RNF207: variants seen among roughly 807,000 people sequenced by gnomAD.
RNF207 encodes OTTHUMG00000001089.
Under a neutral mutation model 79.0 loss-of-function variants are expected in RNF207, and 72 were observed. The observed-to-expected ratio is 0.91, with a 90% confidence interval of 0.75 to 1.11. The LOEUF is 1.11. RNF207 is among the 50% of genes least tolerant of loss of function. The probability of loss-of-function intolerance (pLI) is 0.00; values close to 1 mark genes in which losing one functional copy is unlikely to be tolerated. For missense variants in RNF207, 936 were observed against 855.8 expected, an observed-to-expected ratio of 1.09 and a Z score of -1.17; for synonymous variants, 348 against 366.2, an observed-to-expected ratio of 0.95 and a Z score of 0.57.
rs149340804 is a variant in RNF207 at position 6,217,745 on chromosome 1, C to A, written c.1653-544C>A. ...TGGCCAACCCTCCTACCCCTCCAGCCGCCATGAAGCCAGGAGTCCTTTAGA... is the reference window on the plus strand; with the variant it reads ...TGGCCAACCCTCCTACCCCTCCAGCAGCCATGAAGCCAGGAGTCCTTTAGA... On this transcript the variant is annotated intron_variant, in intron 16 of 17. Coordinates refer to ENST00000377939, the MANE Select transcript of RNF207 (RefSeq NM_207396.3). This position sits in a 1 kb window ranked among gnomAD's most constrained non-coding sequence, Gnocchi z 4.2. Among the ~76,000 whole-genome samples the A allele has an allele frequency of 1.3e-5, 2 of 152,182 alleles. No homozygotes were observed. The highest frequency in any genetic ancestry group is 2.9e-5 in the Non-Finnish European group (2 of 68,032).
intron 7 of RNF207, 85 bp downstream of exon 7, chr1:6,209,624 G>A: frequency 6.6e-6 from 9 of 1,371,854 alleles, no homozygotes; most frequent in African/African-American, 1.5e-5. Context: ...GATTTCCAGT[G>A]TAGTGGGGCA....
chr1:6,212,928 C>A, intron 15 of RNF207, 138 bp from the exon 16 acceptor site: 5 of 768,890 alleles, frequency 6.5e-6, no homozygotes, highest in East Asian at 4.9e-5. Flanking sequence ...AGTAGAATGC[C>A]CCCACCAAGT....
Position 6,207,985 on chromosome 1 carries a change from C to A in RNF207, c.324+474C>A. 3.0e-6 allele frequency: 1 copy of A among 329,766 alleles called. No individual in the cohort carries two copies. Among genetic ancestry groups the A allele is most frequent in the Non-Finnish European group, 6.1e-6 (1 of 163,996 alleles). The allele number at this position is 329,766 out of a possible 1,614,324, so 20.4% of individuals were successfully genotyped here. ...TGTATCGGGAATCCCAGGAGGACGG[C>A]CCGACTGGGGCAAAAGCTCCAGCGT... is the stretch of plus-strand genomic sequence containing the variant. On this transcript the variant is annotated intron_variant, in intron 3 of 17. Coordinates refer to ENST00000377939, the MANE Select transcript of RNF207 (RefSeq NM_207396.3). The surrounding 1 kb of genome is among the most constrained non-coding windows in gnomAD (Gnocchi z 4.5).
Position 6,209,212 on chromosome 1 carries a change from G to A in RNF207, c.551+16G>A. 1.3e-6 allele frequency: 2 copies of A among 1,551,092 alleles called. No individual in the cohort carries two copies. The highest frequency in any genetic ancestry group is 8.7e-7 in the Non-Finnish European group (1 of 1,147,220). ...ACATGCAGAAGTGCGTACAGGGGAC[G>A]CGAGGGGAGGGGGCTGGGGGCCGCT... On this transcript the variant is annotated intron_variant, in intron 5 of 17. Coordinates refer to ENST00000377939, the MANE Select transcript of RNF207 (RefSeq NM_207396.3).
In RNF207 at chr1:6,208,944, G is replaced by A. The variant is rs1365305717; in HGVS notation, c.388G>A (p.Glu130Lys). Residue 130 changes from glutamate to lysine, a missense_variant, in exon 4 of 18, where the codon GAG (glutamate) becomes AAG (lysine). Physicochemically the swap from Glu to Lys is moderately conservative, Grantham distance 56 (BLOSUM62 1). Transcript: ENST00000377939. The stretch of plus-strand genomic sequence containing the variant: ...GCCCCTATGCGCGCGCTGCCGCGAC[G>A]AGACGCACCGAGCACGCATGTTCGC... ...GQPLCARCRD[E>K]THRARMFARH... 4 of 1,535,240 alleles carry A rather than the reference G, an allele frequency of 2.6e-6. No homozygotes were observed. Among genetic ancestry groups the A allele is most frequent in the East Asian group, 4.9e-5 (2 of 40,716 alleles).
chr1:6,216,194 G>T lies in RNF207; in HGVS notation c.1653-2095G>T, dbSNP rs532398889. ...CCAGTTGCTGAGTGGCAGGGATCTT[G>T]GCAGTCACCTGGAAGACTGGAAGGG... On this transcript the variant is annotated intron_variant, in intron 16 of 17. Transcript: ENST00000377939. Among the ~76,000 whole-genome samples, 6 of 152,292 alleles carry T rather than the reference G, an allele frequency of 3.9e-5. No homozygotes were observed. The South Asian group carries it at 1.2e-3, about 32-fold the overall frequency.
chr1:6,214,393 G>A (rs1245624371), intron 16 of RNF207, among the ~76,000 whole-genome samples: 2 of 151,598 alleles, frequency 1.3e-5, no homozygotes, highest in Non-Finnish European at 2.9e-5. Context: ...CTTCAGTTTT[G>A]GCATATTTCT....
intron 2 of RNF207, among the ~76,000 whole-genome samples, 153 bp downstream of exon 2, chr1:6,206,879 C>T (rs916253638): frequency 1.3e-5 from 2 of 152,218 alleles, no homozygotes; most frequent in Non-Finnish European, 2.9e-5. Flanking sequence ...TTAGCTCTCC[C>T]CGCCAGAAGT....
chr1:6,206,676 C>T lies in RNF207; in HGVS notation c.141C>T (p.Gly47=). 6.2e-7 allele frequency: 1 copy of T among 1,605,850 alleles called. No homozygotes were observed. The highest frequency in any genetic ancestry group is 8.5e-7 in the Non-Finnish European group (1 of 1,179,786). Residue 47 remains glycine (G), a synonymous_variant, in exon 2 of 18, where the codon GGC becomes GGT. Coordinates refer to ENST00000377939, the MANE Select transcript of RNF207 (RefSeq NM_207396.3). ...LLDCFHDFCA[G]CLRGRATDGR... is the part of the protein sequence containing the mutation. The stretch of plus-strand genomic sequence containing the variant: ...ACTGTTTCCACGACTTCTGTGCCGG[C>T]TGCCTGCGTGGCCGCGCGACCGACG...
chr1:6,209,228 G>A (rs1668048578), intron 5 of RNF207, 32 bp downstream of exon 5: 3 of 1,549,782 alleles, frequency 1.9e-6, no homozygotes, highest in Admixed American at 3.9e-5. Flanking sequence ...GGAGGGGGCT[G>A]GGGGCCGCTG....
rs560869444 is a variant in RNF207 at position 6,207,417 on chromosome 1, C to T, written c.230C>T (p.Pro77Leu). 3.5e-5 allele frequency: 55 copies of T among 1,551,736 alleles called. No homozygotes were observed. The South Asian group carries it at 6.0e-4, about 17-fold the overall frequency. Residue 77 changes from proline to leucine, a missense_variant, in exon 3 of 18, where the codon CCG becomes CTG. By Grantham distance (98) the Pro-to-Leu change is moderately conservative. Transcript: ENST00000377939. This position sits in a 1 kb window ranked among gnomAD's most constrained non-coding sequence, Gnocchi z 4.5. ...TVLKGPSGLP[P>L]VDRLLQFLVD... is the part of the protein sequence containing the mutation. The stretch of plus-strand genomic sequence containing the variant: ...CTGAAGGGTCCCAGCGGGCTCCCGC[C>T]GGTGGACCGGCTGCTGCAGTTCCTG...
At position 6,209,314 on chromosome 1, in the gene RNF207, G is replaced by T; in HGVS notation, c.598G>T (p.Gly200Cys). Residue 200 changes from glycine (G) to cysteine (C), a missense_variant, in exon 6 of 18, where the codon GGC (glycine) becomes TGC (cysteine). Gly to Cys is a radical substitution (Grantham distance 159, BLOSUM62 -3). Coordinates refer to ENST00000377939, the MANE Select transcript of RNF207 (RefSeq NM_207396.3). ...GGACCTGGAATCGGCTTACGTGCAG[G>T]GCTGCGAGCGGCTGGAGCAGGCGGT... The part of the protein sequence containing the change: ...CVDLESAYVQ[G>C]CERLEQAVLA... 6.5e-7 allele frequency: 1 copy of T among 1,546,876 alleles called. No homozygotes were observed.
intron 10 of RNF207, 104 bp downstream of exon 10, chr1:6,210,542 G>T: frequency 1.1e-6 from 1 of 873,242 alleles, no homozygotes; most frequent in South Asian, 1.6e-5. Flanking sequence ...CTGGAGCCTG[G>T]ACCAGGGATC....
Position 6,219,723 on chromosome 1 carries a change from A to G in RNF207, c.*316A>G, listed in dbSNP as rs1571218388. ...TGGCCAGGCTGGTCTCAAACGCCAG[A>G]CCTCAGGTGATCCACCTGCCTCAGC... On this transcript the variant is annotated 3_prime_UTR_variant, in exon 18 of 18. Transcript: ENST00000377939. 6.1e-6 allele frequency: 1 copy of G among 164,552 alleles called. No individual in the cohort carries two copies. Among genetic ancestry groups the G allele is most frequent in the Non-Finnish European group, 1.3e-5 (1 of 76,100 alleles). 10.2% of individuals were successfully genotyped at this position (164,552 alleles called of 1,614,324 possible).
At position 6,217,116 on chromosome 1, in the gene RNF207, A is replaced by G. The variant is rs571205861; in HGVS notation, c.1653-1173A>G. 2.6e-5 allele frequency among the ~76,000 whole-genome samples: 4 copies of G among 151,988 alleles called. No homozygotes were observed. Among genetic ancestry groups the G allele is most frequent in the Non-Finnish European group, 4.4e-5 (3 of 67,940 alleles). ...AACTCCTGGGCTAAGTGATCCTCCC[A>G]CCTCAGCCTTCCAAAATGCTGGGAT... On this transcript the variant is annotated intron_variant, in intron 16 of 17. Coordinates refer to ENST00000377939, the MANE Select transcript of RNF207 (RefSeq NM_207396.3). This position sits in a 1 kb window ranked among gnomAD's most constrained non-coding sequence, Gnocchi z 4.2.
rs1170159049 is a variant in RNF207 at position 6,218,371 on chromosome 1, T to G, written c.1733+2T>G. 6.2e-7 allele frequency: 1 copy of G among 1,609,342 alleles called. No individual in the cohort carries two copies. The highest frequency in any genetic ancestry group is 1.3e-5 in the African/African-American group (1 of 74,838). On this transcript the variant is annotated splice_donor_variant, in intron 17 of 17. Transcript: ENST00000377939. LOFTEE classifies it high-confidence loss of function. ...CAGGAACAACGCGGCCTCAGCCAGGTAAAGCAAGTCTCTCCACTGGAGAGT... is the reference window on the plus strand; with the variant it reads ...CAGGAACAACGCGGCCTCAGCCAGGGAAAGCAAGTCTCTCCACTGGAGAGT...
intron 11 of RNF207, 34 bp downstream of exon 11, chr1:6,210,972 G>T: frequency 6.3e-7 from 1 of 1,597,736 alleles, no homozygotes; most frequent in Non-Finnish European, 8.5e-7. Context: ...AGGGTCGGGG[G>T]CCCTGCAGGG....
At chr1:6,209,673 A>G in intron 7 of RNF207, 134 bp downstream of exon 7, 1 of 1,189,300 alleles carries the variant, frequency 8.4e-7, no homozygotes, top group Non-Finnish European at 1.1e-6. Context: ...AGTTGCTAGG[A>G]GAGCTGGGAG....
chr1:6,213,250 G>A, intron 16 of RNF207, 67 bp downstream of exon 16: 3 of 1,050,274 alleles, frequency 2.9e-6, no homozygotes, highest in Non-Finnish European at 4.4e-6. Flanking sequence ...GCTGGGTGCG[G>A]TGGCTCACGC....
Sources: allele counts gnomAD v4.1 joint callset (sites outside exome capture counted in the v4.1 genomes callset), GRCh38; gene constraint gnomAD v4.1.1; non-coding constraint Gnocchi (gnomAD v3.1); transcripts MANE v1.5; gene names NCBI Gene and HGNC (gene_info 2026-07-23, HGNC 2026-07-21).